HSDL2: variants seen among roughly 807,000 people sequenced by gnomAD.
HSDL2 encodes hydroxysteroid dehydrogenase-like protein 2.
A neutral mutation model predicts 46.3 loss-of-function variants in HSDL2; 27 were observed. That is an observed-to-expected ratio of 0.58 (90% CI 0.43 to 0.80). HSDL2 has a LOEUF of 0.80. Ranked by LOEUF, HSDL2 falls within the 30% of genes least tolerant of loss-of-function variation. HSDL2 has a pLI of 0.00. For missense variants in HSDL2, 451 were observed against 502.7 expected (o/e 0.90, Z 0.98); for synonymous variants, 153 against 163.6 (o/e 0.94, Z 0.50).
At chr9:112,436,242 CAAAAAAAAAAAAA>C (rs527930574) in intron 6 of HSDL2, among the ~76,000 whole-genome samples, 3 of 77,672 alleles carry the variant, frequency 3.9e-5, no homozygotes, top group Non-Finnish European at 8.1e-5. Flanking sequence ...GACCCTATCT[CAAAAAAAAAAAAA>C]AAAAAAAAAA....
At chr9:112,385,495 A>ATTTT (rs60858988) in intron 1 of HSDL2, among the ~76,000 whole-genome samples, 2 of 130,850 alleles carry the variant, frequency 1.5e-5, no homozygotes, top group Non-Finnish European at 3.2e-5. Context: ...CACCTGGCTA[A>ATTTT]TTTTTTTTTT....
intron 5 of HSDL2, among the ~76,000 whole-genome samples, chr9:112,418,124 T>C (rs1343947860): frequency 6.6e-6 from 1 of 151,662 alleles, no homozygotes; most frequent in East Asian, 1.9e-4. Context: ...ACCCTCATAG[T>C]ATTAAGAAAA....
At chr9:112,386,762 G>A (rs149188452) in intron 1 of HSDL2, among the ~76,000 whole-genome samples, 7 of 152,286 alleles carry the variant, frequency 4.6e-5, no homozygotes, top group East Asian at 3.9e-4. Flanking sequence ...CAGCCTGGGC[G>A]ACAAAGGGAG....
chr9:112,460,738 C>CCT (rs58832923), intron 10 of HSDL2, among the ~76,000 whole-genome samples: 145,340 of 152,166 alleles, frequency 0.96, 69,471 homozygotes, highest in African/African-American at 0.98. Context: ...AGAATGAAAC[C>CCT]GTCTCAAAAA....
At position 112,408,986 on chromosome 9, in the gene HSDL2, G is replaced by C. The variant is rs1186138562; in HGVS notation, c.360G>C (p.Leu120=). 5.6e-6 allele frequency: 9 copies of C among 1,608,860 alleles called. No homozygotes were observed. The highest frequency in any genetic ancestry group is 7.7e-6 in the Non-Finnish European group (9 of 1,176,458). The change falls in exon 4 of 11, where the codon CTG becomes CTC. Residue 120 remains leucine, a synonymous_variant. Coordinates refer to ENST00000398805, the MANE Select transcript of HSDL2 (RefSeq NM_032303.5). ...ACACACCTACCAAGAGATTGGATCT[G>C]ATGATGAACGTGAACACCAGAGGCA... ...TLDTPTKRLD[L]MMNVNTRGTY...
chr9:112,464,691 G>C (rs895221780), intron 10 of HSDL2, among the ~76,000 whole-genome samples: 8 of 152,136 alleles, frequency 5.3e-5, no homozygotes, highest in African/African-American at 1.7e-4. Context: ...TTTAAAAACA[G>C]CTTTATTGAG....
intron 5 of HSDL2, among the ~76,000 whole-genome samples, chr9:112,418,468 AG>A (rs1832044801): frequency 6.6e-6 from 1 of 151,664 alleles, no homozygotes; most frequent in South Asian, 2.1e-4. Context: ...CCATAGTCCC[AG>A]CTACTCGGGA....
At chr9:112,409,722 CTG>C (rs1455767863) in intron 4 of HSDL2, among the ~76,000 whole-genome samples, 3 of 151,936 alleles carry the variant, frequency 2.0e-5, no homozygotes, top group African/African-American at 4.8e-5. Context: ...GCTACTGAGA[CTG>C]TGGTGGTGGT....
intron 7 of HSDL2, among the ~76,000 whole-genome samples, chr9:112,439,693 C>T (rs539692558): frequency 3.3e-5 from 5 of 152,142 alleles, no homozygotes; most frequent in African/African-American, 9.7e-5. Context: ...AAGTAAATAG[C>T]GGATTATAGT....
At chr9:112,382,906 C>CTTAA (rs1831129014) in intron 1 of HSDL2, among the ~76,000 whole-genome samples, 2 of 149,284 alleles carry the variant, frequency 1.3e-5, no homozygotes, top group East Asian at 3.9e-4. Flanking sequence ...TTATCAGTCT[C>CTTAA]TTAAGGCTTT....
rs552147213 is a variant in HSDL2, at chr9:112,454,010, T to C, written c.866-3T>C. On this transcript the variant is annotated splice_region_variant and splice_polypyrimidine_tract_variant and intron_variant, in intron 8 of 10. Coordinates refer to ENST00000398805, the MANE Select transcript of HSDL2 (RefSeq NM_032303.5). Reference sequence around the variant, plus strand: ...GGTCATTTGCTTCAATAATATCTTATAGGTGCTGTTCCAGAATTCAAAGAA... The same window carrying C: ...GGTCATTTGCTTCAATAATATCTTACAGGTGCTGTTCCAGAATTCAAAGAA... The C allele has an allele frequency of 6.2e-6, 10 of 1,612,822 alleles. No homozygotes were observed. The highest frequency in any genetic ancestry group is 2.7e-5 in the African/African-American group (2 of 74,950).
intron 6 of HSDL2, among the ~76,000 whole-genome samples, chr9:112,435,613 C>T (rs1169801678): frequency 6.6e-6 from 1 of 152,140 alleles, no homozygotes; most frequent in Non-Finnish European, 1.5e-5. Context: ...GGACCTACCT[C>T]AGGGTTCTAA....
At chr9:112,386,041 G>A (rs1205411296) in intron 1 of HSDL2, among the ~76,000 whole-genome samples, 1 of 151,678 alleles carries the variant, frequency 6.6e-6, no homozygotes, top group Non-Finnish European at 1.5e-5. Context: ...CCAAAGTGTT[G>A]TGATTACAGG....
At chr9:112,454,629 T>C (rs1832971310) in intron 9 of HSDL2, among the ~76,000 whole-genome samples, 1 of 152,238 alleles carries the variant, frequency 6.6e-6, no homozygotes, top group Admixed American at 6.5e-5. Flanking sequence ...CATAGGCACC[T>C]TGCCATTTTT....
At chr9:112,406,041 A>G (rs1050976285) in intron 3 of HSDL2, among the ~76,000 whole-genome samples, 3 of 152,060 alleles carry the variant, frequency 2.0e-5, no homozygotes, top group African/African-American at 7.2e-5. Flanking sequence ...GATGCCTGTA[A>G]TCCCAGCTAC....
rs78780130 is a variant in HSDL2, at chr9:112,421,961, G to T, written c.598+3003G>T. On this transcript the variant is annotated intron_variant, in intron 6 of 10. Coordinates refer to ENST00000398805, the MANE Select transcript of HSDL2 (RefSeq NM_032303.5). ...GCTAGAGGACAGAATGGAGCCAGGT[G>T]AGAGAACTTGAGAAAGAACAGATAC... 4.0e-3 allele frequency among the ~76,000 whole-genome samples: 604 copies of T among 152,296 alleles called. 2 individuals carry two copies. Among genetic ancestry groups the T allele is most frequent in the African/African-American group, 0.014 (570 of 41,546 alleles).
chr9:112,384,309 G>C (rs946068918), intron 1 of HSDL2, among the ~76,000 whole-genome samples: 5 of 152,008 alleles, frequency 3.3e-5, no homozygotes, highest in Non-Finnish European at 7.3e-5. Context: ...CTTCTTTGAA[G>C]TGCTCTTGCC....
intron 6 of HSDL2, among the ~76,000 whole-genome samples, chr9:112,424,736 G>T (rs1832209050): frequency 6.6e-6 from 1 of 151,728 alleles, no homozygotes; most frequent in African/African-American, 2.4e-5. Context: ...GTGAAAAAAA[G>T]AAAACATATT....
chr9:112,464,581 G>A (rs939799596), intron 10 of HSDL2, among the ~76,000 whole-genome samples: 3 of 151,876 alleles, frequency 2.0e-5, no homozygotes, highest in African/African-American at 7.3e-5. Context: ...TATTGATTTT[G>A]TATCATTTGA....
Sources: gnomAD v4.1 joint callset for allele counts (sites outside exome capture counted in the v4.1 genomes callset) on GRCh38, gnomAD v4.1.1 for gene constraint, MANE v1.5 for transcripts, NCBI Gene and HGNC (gene_info 2026-07-23, HGNC 2026-07-21) for gene names.